Variants in SCHIP1 observed in about 807,000 individuals in gnomAD.
SCHIP1 encodes the protein schwannomin-interacting protein 1.
In SCHIP1, 8 loss-of-function variants were observed where a neutral mutation model predicts 29.7. The observed-to-expected ratio is 0.27, with a 90% CI of 0.16 to 0.49. The LOEUF is 0.49. Ranked by LOEUF, SCHIP1 falls within the 20% of genes least tolerant of loss-of-function variation. The pLI is 0.99. For missense variants in SCHIP1, 193 were observed against 294.6 expected, an observed-to-expected ratio of 0.66 and a Z score of 2.52; for synonymous variants, 76 against 94.9, an observed-to-expected ratio of 0.80 and a Z score of 1.16.
At chr3:159,458,760 C>A in the SCHIP1 span, among the ~76,000 whole-genome samples, 1 of 151,736 alleles carries the variant, frequency 6.6e-6, no homozygotes, top group South Asian at 2.1e-4. Context: ...TGGGGAAATC[C>A]CATTAGGGAA....
chr3:159,808,656 A>G, the SCHIP1 span: 2 of 152,226 alleles, frequency 1.3e-5, no homozygotes, highest in African/African-American at 4.8e-5. Context: ...AAGAACACAT[A>G]CTAGCGTGGT....
At chr3:159,694,132 A>G in the SCHIP1 span, among the ~76,000 whole-genome samples, 2 of 152,192 alleles carry the variant, frequency 1.3e-5, no homozygotes, top group Non-Finnish European at 2.9e-5. Context: ...TTAAGCTTGG[A>G]ATAAACAAAG....
At chr3:159,334,714 A>G in the SCHIP1 span, among the ~76,000 whole-genome samples, 1 of 152,058 alleles carries the variant, frequency 6.6e-6, no homozygotes, top group Admixed American at 6.6e-5. Context: ...TGCATACACC[A>G]ATTGTTTGTG....
the SCHIP1 span, among the ~76,000 whole-genome samples, chr3:159,451,110 A>G: frequency 6.6e-6 from 1 of 152,054 alleles, no homozygotes; most frequent in Non-Finnish European, 1.5e-5. Context: ...CCCGGCCCAC[A>G]TTTAGTATTC....
the SCHIP1 span, among the ~76,000 whole-genome samples, chr3:159,787,621 A>G: frequency 2.6e-5 from 4 of 152,216 alleles, no homozygotes; most frequent in African/African-American, 7.2e-5. Flanking sequence ...TCATTCGCCT[A>G]CTTAAACCTC....
At chr3:159,704,203 G>A in the SCHIP1 span, among the ~76,000 whole-genome samples, 368 of 152,130 alleles carry the variant, frequency 2.4e-3, 1 homozygote, top group Non-Finnish European at 3.7e-3. Flanking sequence ...GGGAGGCCAA[G>A]GCGGATGGAT....
At chr3:159,855,374 A>T (rs562431723) in intron 1 of SCHIP1, among the ~76,000 whole-genome samples, 26 of 152,258 alleles carry the variant, frequency 1.7e-4, no homozygotes, top group Admixed American at 1.3e-3. Flanking sequence ...TATAAAAATA[A>T]CTTTCCCTAA....
chr3:159,409,584 A>G, the SCHIP1 span, among the ~76,000 whole-genome samples: 1 of 152,122 alleles, frequency 6.6e-6, no homozygotes, highest in African/African-American at 2.4e-5. Flanking sequence ...CCAAAAAAGT[A>G]AAATATCTTT....
At chr3:159,586,302 TTC>T in the SCHIP1 span, among the ~76,000 whole-genome samples, 5 of 152,274 alleles carry the variant, frequency 3.3e-5, no homozygotes, top group South Asian at 1.0e-3. Context: ...CTATGTCCCC[TTC>T]CTCTAGGTTT....
the SCHIP1 span, among the ~76,000 whole-genome samples, chr3:159,448,702 C>A: frequency 1.4e-4 from 21 of 152,222 alleles, no homozygotes; most frequent in Admixed American, 5.9e-4. Flanking sequence ...ACGAAACTAT[C>A]ATTTTGTAGA....
the SCHIP1 span, among the ~76,000 whole-genome samples, chr3:159,629,799 A>G: frequency 6.6e-6 from 1 of 152,232 alleles, no homozygotes. Context: ...CATTTATTAA[A>G]TATCTGCTGT....
the SCHIP1 span, among the ~76,000 whole-genome samples, chr3:159,276,994 G>GACTC: frequency 1.3e-5 from 2 of 152,136 alleles, no homozygotes; most frequent in Admixed American, 6.6e-5. Context: ...TTTTGGAGTT[G>GACTC]ACTCACTACA....
At chr3:159,883,303 C>T (rs778023784) in intron 2 of SCHIP1, among the ~76,000 whole-genome samples, 2 of 152,076 alleles carry the variant, frequency 1.3e-5, no homozygotes, top group Non-Finnish European at 2.9e-5. Context: ...AAATTAGGCA[C>T]CCTGCAGCCT....
intron 1 of SCHIP1, among the ~76,000 whole-genome samples, chr3:159,862,820 C>CT (rs113526431): frequency 6.7e-5 from 10 of 150,136 alleles, no homozygotes; most frequent in South Asian, 2.1e-4. Context: ...TTTTAAAAAA[C>CT]TTTTTTTTTT....
At chr3:159,613,762 T>C in the SCHIP1 span, among the ~76,000 whole-genome samples, 2 of 152,208 alleles carry the variant, frequency 1.3e-5, no homozygotes, top group Non-Finnish European at 2.9e-5. Flanking sequence ...CTAGAGGAAC[T>C]ATAGGTCCTC....
chr3:159,845,329 T>C (rs1711638606), intron 1 of SCHIP1: 1 of 152,136 alleles, frequency 6.6e-6, no homozygotes, highest in Admixed American at 6.5e-5. Context: ...TTAGAACCCA[T>C]TTACAACTAT....
the SCHIP1 span, among the ~76,000 whole-genome samples, chr3:159,305,188 C>T: frequency 6.6e-6 from 1 of 152,294 alleles, no homozygotes; most frequent in East Asian, 1.9e-4. Context: ...CACACCTGGC[C>T]CAGAGCCCTG....
At chr3:159,300,699 A>G in the SCHIP1 span, among the ~76,000 whole-genome samples, 1 of 152,304 alleles carries the variant, frequency 6.6e-6, no homozygotes, top group East Asian at 1.9e-4. Flanking sequence ...ATTTTGAAAG[A>G]GGCAGTGTGG....
At chr3:159,789,962 C>T in the SCHIP1 span, among the ~76,000 whole-genome samples, 8 of 152,206 alleles carry the variant, frequency 5.3e-5, no homozygotes, top group Non-Finnish European at 1.0e-4. Context: ...TTGGAAGGAA[C>T]TGGGGATCCC....
Sources: allele counts gnomAD v4.1 joint callset (sites outside exome capture counted in the v4.1 genomes callset), GRCh38; gene constraint gnomAD v4.1.1; transcripts MANE v1.5; gene names NCBI Gene and HGNC (gene_info 2026-07-23, HGNC 2026-07-21).